Variants in DACH2 observed in about 807,000 individuals in gnomAD.
The protein encoded by DACH2 is dachshund homolog 2.
A neutral mutation model predicts 35.8 loss-of-function variants in DACH2; 17 were observed. The ratio of observed to expected loss-of-function variants is 0.48; its 90% confidence interval spans 0.33 to 0.71. DACH2 has a LOEUF of 0.71. Ranked by LOEUF, DACH2 falls within the 30% of genes least tolerant of loss-of-function variation. The probability of loss-of-function intolerance (pLI) is 0.02; values close to 1 mark genes in which losing one functional copy is unlikely to be tolerated. For synonymous variants in DACH2, 195 were observed against 177.3 expected (o/e 1.10, Z -0.79); for missense variants, 469 against 472.7 (o/e 0.99, Z 0.07).
intron 2 of DACH2, among the ~76,000 whole-genome samples, chrX:86,395,562 A>G (rs893485872): frequency 1.8e-5 from 2 of 109,455 alleles, no homozygotes; most frequent in East Asian, 5.8e-4. Context: ...AACAGTCCCC[A>G]GTGTGTGATG....
chrX:86,619,335 T>G (rs2040043237), intron 3 of DACH2, among the ~76,000 whole-genome samples: 1 of 111,829 alleles, frequency 8.9e-6, no homozygotes, highest in African/African-American at 3.2e-5. Context: ...TCTTCTTTAT[T>G]TTCTTCTTTC....
chrX:86,494,139 T>G (rs1224646398), intron 2 of DACH2, among the ~76,000 whole-genome samples: 1 of 111,984 alleles, frequency 8.9e-6, no homozygotes, highest in Non-Finnish European at 1.9e-5. Flanking sequence ...CAGTGAAACC[T>G]CTATGATTGC....
At chrX:86,388,486 G>A (rs1028596506) in intron 2 of DACH2, among the ~76,000 whole-genome samples, 1 of 111,244 alleles carries the variant, frequency 9.0e-6, no homozygotes, top group Non-Finnish European at 1.9e-5. Flanking sequence ...TATTCCCAGA[G>A]GTAAACTTTT....
chrX:86,190,359 C>T (rs937873806), intron 1 of DACH2, among the ~76,000 whole-genome samples: 3 of 110,957 alleles, frequency 2.7e-5, no homozygotes, highest in Admixed American at 1.9e-4. Flanking sequence ...TTTCATCTGT[C>T]GCATATTCCT....
At chrX:86,615,779 A>G (rs747937793) in intron 3 of DACH2, among the ~76,000 whole-genome samples, 1 of 110,641 alleles carries the variant, frequency 9.0e-6, no homozygotes, top group East Asian at 2.8e-4. Flanking sequence ...ATTTTATTTT[A>G]TTTTATTTCA....
intron 1 of DACH2, among the ~76,000 whole-genome samples, chrX:86,333,761 A>T (rs1450602446): frequency 9.0e-6 from 1 of 111,330 alleles, no homozygotes; most frequent in Non-Finnish European, 1.9e-5. Flanking sequence ...ATACTTATTA[A>T]TTTTTTTTAA....
intron 2 of DACH2, among the ~76,000 whole-genome samples, chrX:86,449,504 G>T (rs1001518889): frequency 9.0e-6 from 1 of 111,101 alleles, no homozygotes; most frequent in Non-Finnish European, 1.9e-5. Context: ...ATTATTGAAG[G>T]GTAAGGACAT....
chrX:86,812,515 G>A (rs5969007), intron 7 of DACH2, among the ~76,000 whole-genome samples: 4,409 of 111,178 alleles, frequency 0.04, 240 homozygotes, highest in African/African-American at 0.14. Context: ...GATTTAGAGA[G>A]GAAAAAATAA....
At chrX:86,541,813 G>A (rs1479467708) in intron 3 of DACH2, among the ~76,000 whole-genome samples, 2 of 111,403 alleles carry the variant, frequency 1.8e-5, no homozygotes, top group Non-Finnish European at 3.8e-5. Context: ...TGTCACAGGG[G>A]TGTTTGTGTG....
At chrX:86,542,119 C>T (rs12394777) in intron 3 of DACH2, among the ~76,000 whole-genome samples, 25,599 of 110,472 alleles carry the variant, frequency 0.23, 2,638 homozygotes, top group African/African-American at 0.39. Flanking sequence ...TTATGGTCTG[C>T]TTTTTATCCA....
chrX:86,270,913 G>T (rs1352747298), intron 1 of DACH2, among the ~76,000 whole-genome samples: 1 of 111,501 alleles, frequency 9.0e-6, no homozygotes, highest in African/African-American at 3.3e-5. Flanking sequence ...CTTTTTAAAA[G>T]AAATAAAAAT....
At chrX:86,729,884 T>G (rs185163333) in intron 6 of DACH2, among the ~76,000 whole-genome samples, 1 of 111,953 alleles carries the variant, frequency 8.9e-6, no homozygotes, top group African/African-American at 3.2e-5. Context: ...CTATGCTTCC[T>G]GTGCATCCTG....
intron 2 of DACH2, among the ~76,000 whole-genome samples, chrX:86,402,951 A>C (rs749658813): frequency 8.9e-6 from 1 of 112,321 alleles, no homozygotes; most frequent in Non-Finnish European, 1.9e-5. Flanking sequence ...CCTATCCAAT[A>C]AATGACACTG....
At chrX:86,579,601 T>C (rs1569445455) in intron 3 of DACH2, among the ~76,000 whole-genome samples, 1 of 112,070 alleles carries the variant, frequency 8.9e-6, no homozygotes, top group East Asian at 2.8e-4. Flanking sequence ...CCACCTATTC[T>C]GTAGCTTGTG....
chrX:86,261,266 C>A (rs141171637), intron 1 of DACH2, among the ~76,000 whole-genome samples: 1 of 111,954 alleles, frequency 8.9e-6, no homozygotes, highest in South Asian at 3.7e-4. Context: ...GATTAAAACA[C>A]GTTTGCAGTG....
At chrX:86,244,713 T>C (rs1271800746) in intron 1 of DACH2, among the ~76,000 whole-genome samples, 1 of 112,078 alleles carries the variant, frequency 8.9e-6, no homozygotes, top group Non-Finnish European at 1.9e-5. Context: ...GCCTGTAAAA[T>C]GAAGAGAAAT....
intron 2 of DACH2, among the ~76,000 whole-genome samples, chrX:86,426,055 T>A (rs1315773375): frequency 9.0e-6 from 1 of 111,678 alleles, no homozygotes; most frequent in Non-Finnish European, 1.9e-5. Flanking sequence ...GGAACAATTA[T>A]GTAAAGATTC....
intron 1 of DACH2, among the ~76,000 whole-genome samples, chrX:86,219,568 ATTAT>A (rs1391270390): frequency 9.0e-6 from 1 of 111,620 alleles, no homozygotes; most frequent in Non-Finnish European, 1.9e-5. Flanking sequence ...TATGGAAATA[ATTAT>A]TTAACACAAC....
At chrX:86,606,554 C>T (rs185201215) in intron 3 of DACH2, among the ~76,000 whole-genome samples, 1 of 111,128 alleles carries the variant, frequency 9.0e-6, no homozygotes, top group Non-Finnish European at 1.9e-5. Flanking sequence ...AGAGAAGATA[C>T]TTGATATTAT....
Sources: allele counts gnomAD v4.1 joint callset (sites outside exome capture counted in the v4.1 genomes callset), GRCh38; gene constraint gnomAD v4.1.1; transcripts MANE v1.5; gene names NCBI Gene and HGNC (gene_info 2026-07-23, HGNC 2026-07-21).